KIAA2012: variants seen among roughly 807,000 people sequenced by gnomAD.
KIAA2012 encodes KIAA2012.
Under a neutral mutation model 150.6 loss-of-function variants are expected in KIAA2012, and 125 were observed. The observed-to-expected ratio is 0.83, with a 90% CI of 0.72 to 0.96. The LOEUF is 0.96. KIAA2012 is among the 40% of genes least tolerant of loss of function. The probability of loss-of-function intolerance (pLI) is 0.00; values close to 1 mark genes in which losing one functional copy is unlikely to be tolerated. For missense variants in KIAA2012, 1,219 were observed against 1,354.9 expected (o/e 0.90, Z 1.57); for synonymous variants, 462 against 504.7 (o/e 0.92, Z 1.13).
At chr2:202,139,690 C>G (rs1202846348) in intron 13 of KIAA2012, among the ~76,000 whole-genome samples, 1 of 152,216 alleles carries the variant, frequency 6.6e-6, no homozygotes, top group Non-Finnish European at 1.5e-5. Flanking sequence ...AGCGGCTCCT[C>G]CCTGCTGCCA....
chr2:202,146,898 G>A (rs975029804), intron 13 of KIAA2012, among the ~76,000 whole-genome samples: 2 of 152,160 alleles, frequency 1.3e-5, no homozygotes, highest in African/African-American at 4.8e-5. Flanking sequence ...TCCTCATAGG[G>A]TAATAATATT....
chr2:202,196,186 C>CTTTT (rs869092899), intron 21 of KIAA2012, among the ~76,000 whole-genome samples: 157 of 79,714 alleles, frequency 2.0e-3, no homozygotes, highest in South Asian at 3.2e-3. Context: ...CTTTTCTTTT[C>CTTTT]TTTTTTTTTT....
rs112798282 is a variant in KIAA2012 at position 202,077,408 on chromosome 2, T to A, written c.369+2233T>A. ...CTTAATAGTTTATAAAGTAGATAAG[T>A]CAGTTTGGGGTGAGTTTCATTTTTG... On this transcript the variant is annotated intron_variant, in intron 2 of 23. Transcript: ENST00000498697. Among the ~76,000 whole-genome samples, 949 of 152,232 alleles carry A rather than the reference T, an allele frequency of 6.2e-3. 10 individuals carry two copies. Among genetic ancestry groups the A allele is most frequent in the African/African-American group, 0.022 (905 of 41,522 alleles).
intron 13 of KIAA2012, among the ~76,000 whole-genome samples, chr2:202,139,420 C>G (rs923750462): frequency 1.3e-5 from 2 of 152,114 alleles, no homozygotes; most frequent in Non-Finnish European, 2.9e-5. Flanking sequence ...GCAGAGGCAG[C>G]ACATGCAGCT....
chr2:202,158,421 A>G (rs894470196), intron 14 of KIAA2012, among the ~76,000 whole-genome samples: 1 of 152,172 alleles, frequency 6.6e-6, no homozygotes, highest in East Asian at 1.9e-4. Flanking sequence ...AAGATAAACA[A>G]TGAAACAGGT....
Position 202,073,585 on chromosome 2 carries a change from A to T in KIAA2012, c.-43A>T. On this transcript the variant is annotated 5_prime_UTR_variant, in exon 1 of 24. Transcript: ENST00000498697. ...GTGTGACCAGATTTCAGCCTTCAAA[A>T]CCAAGATGGACTGCCCTTGAGAAGG... 1 of 1,539,434 alleles carries T rather than the reference A, an allele frequency of 6.5e-7. No individual in the cohort carries two copies. Among genetic ancestry groups the T allele is most frequent in the South Asian group, 1.2e-5 (1 of 83,256 alleles).
chr2:202,139,218 T>C (rs4558573), intron 13 of KIAA2012, among the ~76,000 whole-genome samples: 96,017 of 147,618 alleles, frequency 0.65, 31,282 homozygotes, highest in African/African-American at 0.7. Context: ...GAATCCAGAG[T>C]GAGACCCTGT....
intron 1 of KIAA2012, 129 bp downstream of exon 1, chr2:202,073,840 T>A (rs1689261206): frequency 2.9e-6 from 2 of 694,674 alleles, no homozygotes; most frequent in Admixed American, 5.5e-5. Flanking sequence ...CACTGGAAGA[T>A]CTTCCTTCCT....
At position 202,138,448 on chromosome 2, in the gene KIAA2012, A is replaced by G. The variant is rs1223605070; in HGVS notation, c.1848A>G (p.Arg616=). 4 of 1,550,716 alleles carry G rather than the reference A, an allele frequency of 2.6e-6. No homozygotes were observed. The Admixed American group carries it at 7.8e-5, about 30-fold the overall frequency. ...QHFLKANTEP[R]ANLHMNLYET... ...TCACTACAGCAAACACTGAACCTAG[A>G]GCCAATCTTCACATGAACCTTTATG... The change falls in exon 13 of 24, where the codon AGA becomes AGG. Residue 616 remains arginine, a synonymous_variant. Coordinates refer to ENST00000498697, the MANE Select transcript of KIAA2012 (RefSeq NM_001277372.4).
chr2:202,076,048 T>C (rs1689316383), intron 2 of KIAA2012, among the ~76,000 whole-genome samples: 1 of 152,150 alleles, frequency 6.6e-6, no homozygotes, highest in African/African-American at 2.4e-5. Flanking sequence ...TTCATGACTC[T>C]CCATTTTTGC....
chr2:202,136,167 C>T, intron 12 of KIAA2012: 1 of 237,544 alleles, frequency 4.2e-6, no homozygotes, highest in Non-Finnish European at 8.8e-6. Context: ...CGTGGTCTCG[C>T]TGACTTCAGG....
intron 15 of KIAA2012, among the ~76,000 whole-genome samples, chr2:202,168,023 T>G (rs1313350037): frequency 6.6e-6 from 1 of 152,158 alleles, no homozygotes; most frequent in Non-Finnish European, 1.5e-5. Flanking sequence ...TAAACTTCTC[T>G]GGGCATCTTT....
chr2:202,133,130 A>ATATATATATATTTTTTTTTTTT (rs1279080237), intron 12 of KIAA2012, among the ~76,000 whole-genome samples: 24 of 67,750 alleles, frequency 3.5e-4, no homozygotes, highest in East Asian at 1.1e-3. Flanking sequence ...ATATATATAT[A>ATATATATATATTTTTTTTTTTT]TTTTTTTTTT....
intron 22 of KIAA2012, among the ~76,000 whole-genome samples, chr2:202,200,846 AC>A (rs557640791): frequency 6.6e-6 from 1 of 151,590 alleles, no homozygotes; most frequent in Non-Finnish European, 1.5e-5. Flanking sequence ...AGCTGGGATT[AC>A]AGGCATGCAC....
In KIAA2012 at chr2:202,074,912, C is replaced by T; in HGVS notation, c.106C>T (p.Pro36Ser). 1.3e-6 allele frequency: 2 copies of T among 1,549,730 alleles called. No individual in the cohort carries two copies. The highest frequency in any genetic ancestry group is 1.7e-6 in the Non-Finnish European group (2 of 1,146,752). The change falls in exon 2 of 24, where the codon CCA becomes TCA. Residue 36 changes from proline to serine, a missense_variant. Coordinates refer to ENST00000498697, the MANE Select transcript of KIAA2012 (RefSeq NM_001277372.4). ...GCAGGATTACTTGAACTGGAGGTCC[C>T]CAGAAGACTATGTTCCTGTCAGCAA... The part of the protein sequence containing the change: ...EPEDYLNWRS[P>S]EDYVPVSKPQ...
intron 19 of KIAA2012, among the ~76,000 whole-genome samples, chr2:202,191,428 C>A (rs1342553276): frequency 6.6e-6 from 1 of 151,996 alleles, no homozygotes; most frequent in Non-Finnish European, 1.5e-5. Context: ...GCCTGTAAAC[C>A]CAGCACTTTG....
At chr2:202,096,983 G>A (rs1420171369) in intron 4 of KIAA2012, among the ~76,000 whole-genome samples, 5 of 152,120 alleles carry the variant, frequency 3.3e-5, no homozygotes, top group Non-Finnish European at 5.9e-5. Flanking sequence ...GAGATAGCCC[G>A]GGAATCCCAA....
intron 7 of KIAA2012, among the ~76,000 whole-genome samples, chr2:202,102,457 A>G (rs1690071260): frequency 1.3e-5 from 2 of 152,190 alleles, no homozygotes; most frequent in South Asian, 4.1e-4. Context: ...TAGTATGATT[A>G]CTCCTGTTTT....
chr2:202,179,391 C>G (rs139994113), intron 15 of KIAA2012: 16 of 785,630 alleles, frequency 2.0e-5, no homozygotes, highest in African/African-American at 1.4e-4. Context: ...GCTGGAGGAG[C>G]CCTGTCAGTG....
Sources: gnomAD v4.1 joint callset for allele counts (sites outside exome capture counted in the v4.1 genomes callset) on GRCh38, gnomAD v4.1.1 for gene constraint, MANE v1.5 for transcripts, NCBI Gene and HGNC (gene_info 2026-07-23, HGNC 2026-07-21) for gene names.